ABCA13: variants seen among roughly 807,000 people sequenced by gnomAD.
ABCA13 encodes the protein ATP-binding cassette sub-family A member 13.
ABCA13 carries 476 observed loss-of-function variants against 478.7 expected under a neutral mutation model. The observed-to-expected ratio is 0.99, with a 90% CI of 0.92 to 1.07. The LOEUF is 1.07. Among genes scored for constraint, ABCA13 ranks in the 50% least tolerant of loss-of-function variants. ABCA13 has a pLI of 0.00. For synonymous variants in ABCA13, 2,252 were observed against 2,158.9 expected (o/e 1.04, Z -1.20); for missense variants, 6,060 against 5,910.6 (o/e 1.03, Z -0.83).
intron 59 of ABCA13, among the ~76,000 whole-genome samples, chr7:48,635,061 G>A (rs532243974): frequency 6.6e-6 from 1 of 151,684 alleles, no homozygotes; most frequent in African/African-American, 2.4e-5. Context: ...CCACTGGGAG[G>A]GCTCCTTCCA....
At chr7:48,591,087 T>TTC (rs1554577301) in intron 57 of ABCA13, among the ~76,000 whole-genome samples, 9 of 152,022 alleles carry the variant, frequency 5.9e-5, no homozygotes, top group African/African-American at 2.2e-4. Flanking sequence ...TTTTTTTTTT[T>TTC]CTACAAGTTT....
At chr7:48,362,409 C>CTTTTTTTTTTTTTTTTTTTTTCTTT (rs35795708) in intron 31 of ABCA13, among the ~76,000 whole-genome samples, 4 of 86,008 alleles carry the variant, frequency 4.7e-5, no homozygotes, top group African/African-American at 4.7e-5. Flanking sequence ...TCCTCTTCTT[C>CTTTTTTTTTTTTTTTTTTTTTCTTT]TTTTTTTTTT....
rs867041527 is a variant in ABCA13, at chr7:48,391,823, T to C, written c.11655-98T>C. ...CCAGGTCAGCAGAAGGTGAGTGCTC[T>C]TGGCAGGATGCATGCGCCATCCTGG... On this transcript the variant is annotated intron_variant, in intron 37 of 61. Transcript: ENST00000435803. 1.8e-5 allele frequency: 21 copies of C among 1,177,272 alleles called. No homozygotes were observed. In the South Asian group the frequency reaches 1.9e-4, roughly 11 times the overall value. The allele number at this position is 1,177,272 out of a possible 1,614,324, so 72.9% of individuals were successfully genotyped here.
At chr7:48,366,628 G>T (rs1184220639) in intron 31 of ABCA13, among the ~76,000 whole-genome samples, 3 of 152,034 alleles carry the variant, frequency 2.0e-5, no homozygotes, top group Non-Finnish European at 2.9e-5. Context: ...GGGGAAGAGG[G>T]TGTGCGCTCC....
chr7:48,640,184 G>A (rs955913071), intron 59 of ABCA13, among the ~76,000 whole-genome samples: 2 of 152,196 alleles, frequency 1.3e-5, no homozygotes, highest in African/African-American at 2.4e-5. Flanking sequence ...AGTTGAGGCT[G>A]AAATCAATGT....
chr7:48,548,004 C>A (rs1404644925), intron 55 of ABCA13, among the ~76,000 whole-genome samples: 1 of 151,842 alleles, frequency 6.6e-6, no homozygotes, highest in Non-Finnish European at 1.5e-5. Context: ...TAACACACTA[C>A]CTGTGGTGTG....
At chr7:48,553,754 T>C (rs1332609589) in intron 55 of ABCA13, among the ~76,000 whole-genome samples, 1 of 151,952 alleles carries the variant, frequency 6.6e-6, no homozygotes, top group Non-Finnish European at 1.5e-5. Flanking sequence ...CTCCCATGCT[T>C]TGGGCTGTCT....
intron 5 of ABCA13, among the ~76,000 whole-genome samples, chr7:48,222,487 G>A (rs1408356378): frequency 6.6e-6 from 1 of 152,150 alleles, no homozygotes; most frequent in East Asian, 1.9e-4. Context: ...ATAAAAAGCT[G>A]TATGCATAAA....
intron 45 of ABCA13, 96 bp from the exon 46 acceptor site, chr7:48,480,940 G>T (rs969739080): frequency 2.7e-6 from 2 of 754,660 alleles, no homozygotes; most frequent in Admixed American, 5.2e-5. Flanking sequence ...AAAATTGAAA[G>T]CTAGAGAACA....
At chr7:48,298,292 T>C (rs943781499) in intron 22 of ABCA13, 74 bp from the exon 23 acceptor site, 22 of 1,373,498 alleles carry the variant, frequency 1.6e-5, no homozygotes, top group South Asian at 3.0e-5. Context: ...GGTTGTAATA[T>C]CAAATTTTGT....
At chr7:48,520,472 AG>A (rs34003307) in intron 53 of ABCA13, among the ~76,000 whole-genome samples, 178 bp downstream of exon 53, 1 of 152,238 alleles carries the variant, frequency 6.6e-6, no homozygotes, top group African/African-American at 2.4e-5. Flanking sequence ...CACCCACACC[AG>A]GAAGGAAAAT....
At chr7:48,563,794 TTGTGTGTGTG>T (rs200813371) in intron 55 of ABCA13, among the ~76,000 whole-genome samples, 35 of 101,656 alleles carry the variant, frequency 3.4e-4, no homozygotes, top group South Asian at 3.2e-3. Context: ...TGTTTACTGC[TTGTGTGTGTG>T]TGTGTGTGTG....
At chr7:48,411,013 TTCTTTC>T (rs1818998369) in intron 40 of ABCA13, among the ~76,000 whole-genome samples, 2 of 115,496 alleles carry the variant, frequency 1.7e-5, no homozygotes, top group African/African-American at 3.1e-5. Context: ...CTTTCTTTCT[TTCTTTC>T]TTTCTTTCTT....
rs369000603 is a variant in ABCA13 at position 48,587,307 on chromosome 7, A to G, written c.14640+19A>G. The G allele has an allele frequency of 7.6e-6, 12 of 1,588,014 alleles. No individual in the cohort carries two copies. The highest frequency in any genetic ancestry group is 4.0e-5 in the African/African-American group (3 of 74,436). ...TTTATTGGTGAGTAGAAGAATGTCA[A>G]TATCTTGGAGTAAGATACATATTGC... On this transcript the variant is annotated intron_variant, in intron 57 of 61. Transcript: ENST00000435803.
intron 1 of ABCA13, among the ~76,000 whole-genome samples, chr7:48,177,794 G>A (rs1795087913): frequency 6.6e-6 from 1 of 152,198 alleles, no homozygotes; most frequent in Admixed American, 6.5e-5. Flanking sequence ...GGCTAGATGA[G>A]AAGATAAAGT....
intron 31 of ABCA13, among the ~76,000 whole-genome samples, chr7:48,365,506 A>C (rs2129012737): frequency 6.6e-6 from 1 of 152,266 alleles, no homozygotes; most frequent in Admixed American, 6.5e-5. Context: ...CAGTGTCCTG[A>C]AGCAGTTCTC....
intron 7 of ABCA13, among the ~76,000 whole-genome samples, chr7:48,231,445 A>T (rs998672835): frequency 6.6e-5 from 10 of 152,224 alleles, no homozygotes; most frequent in South Asian, 2.1e-4. Context: ...AGTGTGTCTG[A>T]GGTACAGTGG....
intron 42 of ABCA13, among the ~76,000 whole-genome samples, chr7:48,432,775 A>G (rs1822315975): frequency 1.3e-5 from 2 of 152,114 alleles, no homozygotes; most frequent in African/African-American, 4.8e-5. Flanking sequence ...AAAAGTTGAA[A>G]TCATAGAAAT....
intron 58 of ABCA13, among the ~76,000 whole-genome samples, chr7:48,603,046 A>G (rs556227606): frequency 1.3e-5 from 2 of 152,116 alleles, no homozygotes; most frequent in Non-Finnish European, 2.9e-5. Flanking sequence ...TTATTGGTAT[A>G]TAGGAATGTT....
Sources: gnomAD v4.1 joint callset for allele counts (sites outside exome capture counted in the v4.1 genomes callset) on GRCh38, gnomAD v4.1.1 for gene constraint, MANE v1.5 for transcripts, NCBI Gene and HGNC (gene_info 2026-07-23, HGNC 2026-07-21) for gene names.